The following GNG7 variants were observed in gnomAD, a reference collection of about 807,000 sequenced individuals.
GNG7 encodes G protein subunit gamma 7, also known as guanine nucleotide-binding protein G(I)/G(S)/G(O) subunit gamma-7.
A neutral mutation model predicts 4.0 loss-of-function variants in GNG7; 1 was observed. That is an observed-to-expected ratio of 0.25 (90% CI 0.09 to 1.18). The LOEUF (loss-of-function observed/expected upper bound fraction) is 1.18. Ranked by LOEUF, GNG7 falls within the 50% of genes most tolerant of loss-of-function variation. The pLI is 0.50. For missense variants in GNG7, 86 were observed against 91.9 expected (o/e 0.94, Z 0.26); for synonymous variants, 34 against 36.9 (o/e 0.92, Z 0.29).
intron 1 of GNG7, among the ~76,000 whole-genome samples, chr19:2,661,940 G>T (rs1983191058): frequency 6.6e-6 from 1 of 152,096 alleles, no homozygotes; most frequent in Admixed American, 6.6e-5. Context: ...AACTCAAATT[G>T]CTTTTCCTCT....
intron 3 of GNG7, among the ~76,000 whole-genome samples, chr19:2,527,908 G>C (rs1403692722): frequency 6.6e-6 from 1 of 152,170 alleles, no homozygotes; most frequent in African/African-American, 2.4e-5. Flanking sequence ...GCTCAGAGTG[G>C]TTCCCTTAGG....
At chr19:2,648,873 T>G (rs553044939) in intron 1 of GNG7, among the ~76,000 whole-genome samples, 44 of 118,334 alleles carry the variant, frequency 3.7e-4, no homozygotes, top group South Asian at 1.1e-3. Context: ...GAATCATGTG[T>G]TTTTTTTTTT....
intron 3 of GNG7, among the ~76,000 whole-genome samples, chr19:2,548,521 G>T (rs1306411989): frequency 6.7e-6 from 1 of 149,930 alleles, no homozygotes; most frequent in Non-Finnish European, 1.5e-5. Flanking sequence ...AGGCCCAGTG[G>T]CTCACACCTG....
At chr19:2,537,167 T>C (rs933842232) in intron 3 of GNG7, among the ~76,000 whole-genome samples, 5 of 151,732 alleles carry the variant, frequency 3.3e-5, no homozygotes. Context: ...GCCAGGATGG[T>C]CTCCATCTCC....
intron 2 of GNG7, chr19:2,643,211 C>T (rs1267075820): frequency 4.4e-6 from 2 of 452,214 alleles, no homozygotes; most frequent in Non-Finnish European, 8.9e-6. Context: ...ACCTTCCGGC[C>T]TTGCACTGTC....
In GNG7 at chr19:2,557,758, G is replaced by C. The variant is rs1568242754; in HGVS notation, c.-77-2570C>G. ...TCAGCCTCAGAACCCACAGGACTTT[G>C]ACCCTGCCCCAGGCCATGGTCCTTG... On this transcript the variant is annotated intron_variant, in intron 2 of 4. Transcript: ENST00000382159. This position sits in a 1 kb window ranked among gnomAD's most constrained non-coding sequence, Gnocchi z 5.1. Among the ~76,000 whole-genome samples the C allele has an allele frequency of 6.6e-6, 1 of 152,156 alleles. No individual in the cohort carries two copies. Among genetic ancestry groups the C allele is most frequent in the Non-Finnish European group, 1.5e-5 (1 of 68,028 alleles).
At chr19:2,695,442 G>A (rs1331292942) in intron 1 of GNG7, among the ~76,000 whole-genome samples, 1 of 152,166 alleles carries the variant, frequency 6.6e-6, no homozygotes, top group South Asian at 2.1e-4. Flanking sequence ...CCTCATTCAC[G>A]TGGTGCTCCC....
In GNG7 at chr19:2,667,094, T is replaced by C. The variant is rs181638883; in HGVS notation, c.-134-20814A>G. ...CAGCACTTTGGGAGGCTGAGGCGGG[T>C]GGATCACTTGAGGTCAGGAGTTCGA... On this transcript the variant is annotated intron_variant, in intron 1 of 4. Coordinates refer to ENST00000382159, the MANE Select transcript of GNG7 (RefSeq NM_052847.3). Among the ~76,000 whole-genome samples, 795 of 149,742 alleles carry C rather than the reference T, an allele frequency of 5.3e-3. 4 individuals are homozygous for C. Among genetic ancestry groups the C allele is most frequent in the African/African-American group, 0.019 (772 of 40,798 alleles).
intron 2 of GNG7, among the ~76,000 whole-genome samples, chr19:2,558,383 C>T (rs1170488790): frequency 1.3e-5 from 2 of 151,524 alleles, no homozygotes; most frequent in African/African-American, 4.9e-5. Flanking sequence ...ACTACAGCCA[C>T]ATGCCACCAC....
intron 3 of GNG7, among the ~76,000 whole-genome samples, chr19:2,528,236 A>C (rs1978472867): frequency 7.2e-6 from 1 of 138,096 alleles, no homozygotes; most frequent in Non-Finnish European, 1.5e-5. Context: ...GCGCCACTGC[A>C]CTCCGGCCTG....
intron 2 of GNG7, among the ~76,000 whole-genome samples, chr19:2,559,351 CT>C (rs551861647): frequency 0.3 from 38,530 of 129,886 alleles, 4,298 homozygotes; most frequent in African/African-American, 0.36. Flanking sequence ...TTCTGTGTGT[CT>C]TTTTTTTTTT....
chr19:2,532,198 C>T (rs1978618668), intron 3 of GNG7, among the ~76,000 whole-genome samples: 1 of 151,522 alleles, frequency 6.6e-6, no homozygotes, highest in African/African-American at 2.4e-5. Flanking sequence ...ACAAAGAGAC[C>T]CACAGGGTTT....
chr19:2,649,135 C>G (rs907390750), intron 1 of GNG7, among the ~76,000 whole-genome samples: 2 of 151,626 alleles, frequency 1.3e-5, no homozygotes, highest in Non-Finnish European at 2.9e-5. Context: ...AGGGTCTTTG[C>G]TATGTTATCC....
At chr19:2,650,400 G>T (rs1175019485) in intron 1 of GNG7, among the ~76,000 whole-genome samples, 1 of 152,002 alleles carries the variant, frequency 6.6e-6, no homozygotes, top group Non-Finnish European at 1.5e-5. Flanking sequence ...TGTTGGCCAG[G>T]CTGGTCTTGA....
intron 1 of GNG7, among the ~76,000 whole-genome samples, chr19:2,647,425 T>C (rs1377672689): frequency 2.0e-5 from 3 of 152,308 alleles, no homozygotes; most frequent in East Asian, 3.9e-4. Flanking sequence ...AGCCTTTCCC[T>C]TCCCAAACTC....
intron 3 of GNG7, among the ~76,000 whole-genome samples, chr19:2,531,303 C>CAAAAAAAAAAAAAAAA (rs58133235): frequency 1.1e-5 from 1 of 95,074 alleles, no homozygotes; most frequent in African/African-American, 4.5e-5. Context: ...GATTCCGTCT[C>CAAAAAAAAAAAAAAAA]AAAAAAAAAA....
intron 2 of GNG7, among the ~76,000 whole-genome samples, chr19:2,585,758 T>C (rs1434265249): frequency 6.6e-6 from 1 of 152,174 alleles, no homozygotes; most frequent in Non-Finnish European, 1.5e-5. Context: ...TGGAGTGCAG[T>C]GGCGCGATCT....
intron 3 of GNG7, among the ~76,000 whole-genome samples, chr19:2,551,743 G>T (rs1174082624): frequency 6.8e-6 from 1 of 147,496 alleles, no homozygotes; most frequent in African/African-American, 2.5e-5. Flanking sequence ...GAGTGCAACG[G>T]CACGATCTCA....
At chr19:2,691,147 C>T (rs956634450) in intron 1 of GNG7, among the ~76,000 whole-genome samples, 8 of 152,108 alleles carry the variant, frequency 5.3e-5, no homozygotes, top group African/African-American at 1.4e-4. Flanking sequence ...TCTTACCGCT[C>T]GATTTTGCTG....
Sources: gnomAD v4.1 joint callset for allele counts (sites outside exome capture counted in the v4.1 genomes callset) on GRCh38, gnomAD v4.1.1 for gene constraint, Gnocchi (gnomAD v3.1) non-coding constraint, MANE v1.5 for transcripts, NCBI Gene and HGNC (gene_info 2026-07-23, HGNC 2026-07-21) for gene names.